CCNY: variants seen among roughly 807,000 people sequenced by gnomAD.
CCNY encodes the protein cyclin Y.
CCNY carries 19 observed loss-of-function variants against 42.8 expected under a neutral mutation model. The ratio of observed to expected loss-of-function variants is 0.44; its 90% confidence interval spans 0.31 to 0.65. The LOEUF (loss-of-function observed/expected upper bound fraction) is 0.65. Ranked by LOEUF, CCNY falls within the 30% of genes least tolerant of loss-of-function variation. CCNY has a pLI of 0.07. For synonymous variants in CCNY, 165 were observed against 162.7 expected (o/e 1.01, Z -0.11); for missense variants, 370 against 437.3 (o/e 0.85, Z 1.37).
chr10:35,370,873 G>A (rs956328898), intron 1 of CCNY, among the ~76,000 whole-genome samples: 2 of 151,540 alleles, frequency 1.3e-5, no homozygotes, highest in African/African-American at 2.4e-5. Flanking sequence ...CTGCCACCAC[G>A]CCCGGCTAAT....
chr10:35,341,637 C>T (rs1273952940), intron 1 of CCNY, among the ~76,000 whole-genome samples: 1 of 151,744 alleles, frequency 6.6e-6, no homozygotes, highest in African/African-American at 2.4e-5. Flanking sequence ...TGAATGAAAA[C>T]ATCATCGCGT....
At chr10:35,370,964 C>T (rs763242622) in intron 1 of CCNY, among the ~76,000 whole-genome samples, 4 of 152,146 alleles carry the variant, frequency 2.6e-5, no homozygotes, top group Non-Finnish European at 4.4e-5. Flanking sequence ...ATCCGTCCGC[C>T]TCGGCCTCTC....
chr10:35,425,726 G>A (rs1184925452), intron 1 of CCNY, among the ~76,000 whole-genome samples: 14 of 152,202 alleles, frequency 9.2e-5, no homozygotes, highest in Admixed American at 9.2e-4. Flanking sequence ...GTACCTTGTG[G>A]AGGGAATGTA....
chr10:35,427,307 G>A (rs771934070), intron 1 of CCNY, among the ~76,000 whole-genome samples: 1 of 152,156 alleles, frequency 6.6e-6, no homozygotes. Context: ...TGGGCATAGC[G>A]CCCATGGAAT....
chr10:35,349,498 T>C (rs1589051391), intron 1 of CCNY, among the ~76,000 whole-genome samples: 1 of 152,250 alleles, frequency 6.6e-6, no homozygotes, highest in Non-Finnish European at 1.5e-5. Context: ...AGTGTGCAAG[T>C]TGGCGATACA....
intron 7 of CCNY, among the ~76,000 whole-genome samples, chr10:35,534,533 G>A (rs995030723): frequency 1.7e-4 from 26 of 152,204 alleles, no homozygotes; most frequent in African/African-American, 5.5e-4. Context: ...CAAAGTGACA[G>A]CTGACCAGAC....
In CCNY at chr10:35,351,053, A is replaced by G. The variant is rs371868211; in HGVS notation, c.154+13846A>G. ...TTTAGTCAACTCTTGCCCTGTCCAT[A>G]TAGCACACAACTTTTATTAGGAAAG... On this transcript the variant is annotated intron_variant, in intron 1 of 9. Coordinates refer to ENST00000374704, the MANE Select transcript of CCNY (RefSeq NM_145012.6). Among the ~76,000 whole-genome samples, 18 of 152,332 alleles carry G rather than the reference A, an allele frequency of 1.2e-4. 1 individual carries two copies. The East Asian group carries it at 3.3e-3, about 28-fold the overall frequency.
intron 1 of CCNY, among the ~76,000 whole-genome samples, chr10:35,397,143 C>T (rs1029867273): frequency 1.8e-4 from 28 of 152,274 alleles, no homozygotes; most frequent in Middle Eastern, 3.4e-3. Context: ...GCAAAACACA[C>T]GCATACAACA....
chr10:35,340,730 C>A (rs1836161030), intron 1 of CCNY, among the ~76,000 whole-genome samples: 1 of 152,134 alleles, frequency 6.6e-6, no homozygotes, highest in African/African-American at 2.4e-5. Flanking sequence ...TCTCGAACTC[C>A]TGACCTCAAG....
chr10:35,495,980 A>G (rs959403613), intron 2 of CCNY, among the ~76,000 whole-genome samples: 1 of 152,262 alleles, frequency 6.6e-6, no homozygotes, highest in African/African-American at 2.4e-5. Context: ...AAGAAAAGTT[A>G]ATAGTAAACT....
rs1031986149 is a variant in CCNY at position 35,372,199 on chromosome 10, C to T, written c.154+34992C>T. Among the ~76,000 whole-genome samples, 4 of 152,146 alleles carry T rather than the reference C, an allele frequency of 2.6e-5. No homozygotes were observed. In the East Asian group the frequency reaches 7.7e-4, roughly 29 times the overall value. ...GAGGAGGGAAAGGATGGGGGAACTCCAGGGTTCCCATTCACCCTGACAGTG... is the reference window on the plus strand; with the variant it reads ...GAGGAGGGAAAGGATGGGGGAACTCTAGGGTTCCCATTCACCCTGACAGTG... On this transcript the variant is annotated intron_variant, in intron 1 of 9. Transcript: ENST00000374704.
At chr10:35,473,387 T>G (rs1839430503) in intron 1 of CCNY, among the ~76,000 whole-genome samples, 1 of 152,202 alleles carries the variant, frequency 6.6e-6, no homozygotes, top group African/African-American at 2.4e-5. Flanking sequence ...AGTAACTATT[T>G]AAATTTTATA....
At chr10:35,447,232 G>A (rs1219495458) in intron 1 of CCNY, among the ~76,000 whole-genome samples, 1 of 152,224 alleles carries the variant, frequency 6.6e-6, no homozygotes, top group Non-Finnish European at 1.5e-5. Flanking sequence ...AGCTGAGATC[G>A]TGCCACCGCA....
rs1055868092 is a variant in CCNY, at chr10:35,314,002, T to G, written c.-9+63376T>G. 7.9e-4 allele frequency among the ~76,000 whole-genome samples: 108 copies of G among 136,542 alleles called. 1 individual carries two copies. Among genetic ancestry groups the G allele is most frequent in the Non-Finnish European group, 3.0e-4 (19 of 62,928 alleles). 89.6% of individuals were successfully genotyped at this position (136,542 alleles called of 152,430 possible). On this transcript the variant is annotated intron_variant, in intron 3 of 11. Coordinates refer to the CCNY transcript ENST00000374706. ...GAAAAAAAAAAAAAAAAAAAAAAAG[T>G]AAAATACTGGTTATTTTTTGTGGGG...
At chr10:35,311,107 G>C (rs759974886) in intron 3 of CCNY, among the ~76,000 whole-genome samples, 9 of 152,142 alleles carry the variant, frequency 5.9e-5, no homozygotes, top group Non-Finnish European at 1.3e-4. Flanking sequence ...GAGGCCAGGA[G>C]TTGGAAACCA....
rs1399839439 is a variant in CCNY, at chr10:35,458,866, A to G, written c.155-24538A>G. Among the ~76,000 whole-genome samples the G allele has an allele frequency of 3.3e-5, 5 of 152,160 alleles. No individual in the cohort carries two copies. In the East Asian group the frequency reaches 9.6e-4, roughly 29 times the overall value. ...GTGGATCCTTCAGGCTCCTCTTTGCATTCACTTCTAAAGAACGAGAGAGTG... is the reference window on the plus strand; with the variant it reads ...GTGGATCCTTCAGGCTCCTCTTTGCGTTCACTTCTAAAGAACGAGAGAGTG... On this transcript the variant is annotated intron_variant, in intron 1 of 9. Coordinates refer to ENST00000374704, the MANE Select transcript of CCNY (RefSeq NM_145012.6).
In CCNY at chr10:35,464,848, C is replaced by CT. The variant is rs577559504; in HGVS notation, c.155-18550dup. ...GAGTAATGATAGTGGACTCAAATGC[C>CT]TTTTTTCTAGCTTTCAGGGTGTTGT... On this transcript the variant is annotated intron_variant, in intron 1 of 9. Transcript: ENST00000374704. Among the ~76,000 whole-genome samples, 3 of 152,260 alleles carry CT rather than the reference C, an allele frequency of 2.0e-5. No individual in the cohort carries two copies. The East Asian group carries it at 5.8e-4, about 29-fold the overall frequency.
chr10:35,313,332 T>G (rs1260411258), intron 3 of CCNY, among the ~76,000 whole-genome samples: 3 of 152,210 alleles, frequency 2.0e-5, no homozygotes, highest in Non-Finnish European at 4.4e-5. Context: ...GATTGTGAAG[T>G]ATTTGTTTTC....
In CCNY at chr10:35,493,167, A is replaced by G. The variant is rs542504139; in HGVS notation, c.230-8334A>G. Among the ~76,000 whole-genome samples the G allele has an allele frequency of 4.6e-5, 7 of 152,282 alleles. No homozygotes were observed. The East Asian group carries it at 1.4e-3, about 29-fold the overall frequency. On this transcript the variant is annotated intron_variant, in intron 2 of 9. Transcript: ENST00000374704. Reference sequence around the variant, plus strand: ...CTGATATAGTACAAACTCAGATGAAATCATTTAGACCCAGAATGTCAGTTT... The same window carrying G: ...CTGATATAGTACAAACTCAGATGAAGTCATTTAGACCCAGAATGTCAGTTT...
Sources: gnomAD v4.1 joint callset for allele counts (sites outside exome capture counted in the v4.1 genomes callset) on GRCh38, gnomAD v4.1.1 for gene constraint, MANE v1.5 for transcripts, NCBI Gene and HGNC (gene_info 2026-07-23, HGNC 2026-07-21) for gene names.